The following ACER3 variants were observed in gnomAD, a reference collection of about 807,000 sequenced individuals.
ACER3 encodes the protein alkaline ceramidase 3.
In ACER3, 16 loss-of-function variants were observed where a neutral mutation model predicts 48.9. The observed-to-expected ratio is 0.33, with a 90% confidence interval of 0.22 to 0.50. The LOEUF is 0.50. ACER3 is among the 20% of genes least tolerant of loss of function. The pLI is 0.98. For missense variants in ACER3, 227 were observed against 326.0 expected, an observed-to-expected ratio of 0.70 and a Z score of 2.34; for synonymous variants, 109 against 107.8, an observed-to-expected ratio of 1.01 and a Z score of -0.07.
At chr11:76,991,561 A>T (rs905909918) in intron 6 of ACER3, among the ~76,000 whole-genome samples, 2 of 151,940 alleles carry the variant, frequency 1.3e-5, no homozygotes, top group African/African-American at 4.8e-5. Context: ...CACACCTGTA[A>T]TCCTAGCACT....
intron 3 of ACER3, among the ~76,000 whole-genome samples, chr11:76,962,353 G>A (rs1228613120): frequency 6.6e-6 from 1 of 150,390 alleles, no homozygotes; most frequent in Non-Finnish European, 1.5e-5. Flanking sequence ...CTGAGTAGCT[G>A]GGGTTATAAG....
intron 6 of ACER3, among the ~76,000 whole-genome samples, chr11:76,996,414 A>ATTG (rs1358530316): frequency 2.7e-5 from 4 of 150,574 alleles, no homozygotes; most frequent in Admixed American, 6.6e-5. Context: ...TATTATTATT[A>ATTG]TTATTATTAT....
chr11:77,018,001 C>T (rs1451641678), intron 9 of ACER3, among the ~76,000 whole-genome samples: 2 of 124,434 alleles, frequency 1.6e-5, no homozygotes, highest in African/African-American at 3.1e-5. Flanking sequence ...TGCAGTGGCA[C>T]TATCTTGGCT....
At chr11:76,911,941 A>C (rs2134726757) in intron 1 of ACER3, among the ~76,000 whole-genome samples, 1 of 152,296 alleles carries the variant, frequency 6.6e-6, no homozygotes, top group South Asian at 2.1e-4. Context: ...GAAGCTGGGG[A>C]GTTTCTCCAA....
chr11:76,919,625 G>C (rs909039824), intron 1 of ACER3, among the ~76,000 whole-genome samples: 2 of 152,052 alleles, frequency 1.3e-5, no homozygotes, highest in African/African-American at 4.8e-5. Flanking sequence ...TGAATATCTC[G>C]CTTTTATTTC....
intron 1 of ACER3, among the ~76,000 whole-genome samples, chr11:76,886,055 T>C (rs1392291355): frequency 6.6e-6 from 1 of 152,190 alleles, no homozygotes; most frequent in African/African-American, 2.4e-5. Context: ...TTGTGATAAA[T>C]GCTGTAAATA....
intron 1 of ACER3, among the ~76,000 whole-genome samples, chr11:76,915,583 G>A (rs1449412638): frequency 6.6e-6 from 1 of 152,174 alleles, no homozygotes; most frequent in Admixed American, 6.5e-5. Context: ...TAGTGGGTGG[G>A]GGGAGAGCCC....
chr11:76,969,039 A>T (rs1948220438), intron 3 of ACER3, among the ~76,000 whole-genome samples: 1 of 152,146 alleles, frequency 6.6e-6, no homozygotes, highest in South Asian at 2.1e-4. Context: ...TTTGCAATCT[A>T]CTCATCTGAC....
intron 7 of ACER3, chr11:77,011,417 C>A: frequency 5.1e-6 from 5 of 972,798 alleles, no homozygotes; most frequent in Non-Finnish European, 6.1e-6. Context: ...CACCCTACCC[C>A]CACTGATCAT....
chr11:76,880,445 C>A (rs1032931771), intron 1 of ACER3, among the ~76,000 whole-genome samples: 2 of 152,214 alleles, frequency 1.3e-5, no homozygotes, highest in African/African-American at 4.8e-5. Context: ...CAATTCAATT[C>A]TGACACTGTC....
chr11:76,901,017 C>G (rs754418117), intron 1 of ACER3, among the ~76,000 whole-genome samples: 2 of 152,080 alleles, frequency 1.3e-5, no homozygotes, highest in Non-Finnish European at 2.9e-5. Flanking sequence ...GCATTCATGA[C>G]TTTTTTCTAT....
intron 1 of ACER3, among the ~76,000 whole-genome samples, chr11:76,877,092 C>G (rs1413855156): frequency 6.6e-6 from 1 of 152,124 alleles, no homozygotes; most frequent in Non-Finnish European, 1.5e-5. Context: ...ATAAGCCCAT[C>G]TGAAGATTTC....
chr11:77,001,447 G>A (rs1295782828), intron 7 of ACER3, among the ~76,000 whole-genome samples: 10 of 152,016 alleles, frequency 6.6e-5, no homozygotes, highest in Non-Finnish European at 1.5e-4. Context: ...TAGTAGAGAC[G>A]GAGTTTCACT....
At chr11:76,941,532 A>G (rs900607041) in intron 2 of ACER3, among the ~76,000 whole-genome samples, 1 of 151,942 alleles carries the variant, frequency 6.6e-6, no homozygotes, top group Non-Finnish European at 1.5e-5. Flanking sequence ...GTGTAGTTTG[A>G]AGTCAGGCAA....
chr11:77,026,274 CT>C lies in ACER3; in HGVS notation c.*5950del, dbSNP rs1949549091. On this transcript the variant is annotated 3_prime_UTR_variant, in exon 11 of 11. Transcript: ENST00000532485. Reference sequence around the variant, plus strand: ...TGTACACTTTTTTTCTTTTTTTTAACTTTCTAAAAGGAAAAGTTCAAAGTCC... The same window carrying C: ...TGTACACTTTTTTTCTTTTTTTTAACTTCTAAAAGGAAAAGTTCAAAGTCC... The C allele has an allele frequency of 6.6e-6, 1 of 151,860 alleles. No homozygotes were observed. The highest frequency in any genetic ancestry group is 2.4e-5 in the African/African-American group (1 of 41,346). The allele number at this position is 151,860 out of a possible 1,614,324, so 9.4% of individuals were successfully genotyped here.
chr11:76,890,525 C>T (rs1040732820), intron 1 of ACER3, among the ~76,000 whole-genome samples: 3 of 152,256 alleles, frequency 2.0e-5, no homozygotes, highest in Admixed American at 6.5e-5. Context: ...AATGATGAAT[C>T]AGCTCACATA....
At chr11:76,951,746 G>A (rs1590979739) in intron 2 of ACER3, among the ~76,000 whole-genome samples, 1 of 152,334 alleles carries the variant, frequency 6.6e-6, no homozygotes, top group East Asian at 1.9e-4. Context: ...AGTTTCTGGT[G>A]ACAGTGAACT....
At chr11:76,905,658 CAT>C (rs895391267) in intron 1 of ACER3, among the ~76,000 whole-genome samples, 2 of 152,040 alleles carry the variant, frequency 1.3e-5, no homozygotes, top group Non-Finnish European at 1.5e-5. Flanking sequence ...TTAACAAAAA[CAT>C]AGGAAACAAT....
chr11:77,025,576 C>G lies in ACER3; in HGVS notation c.*5249C>G, dbSNP rs573296730. On this transcript the variant is annotated 3_prime_UTR_variant, in exon 11 of 11. Transcript: ENST00000532485. ...GGCACATGCCACCATGCCACCATGCCTGGCTGATTTTTGTATTTTTAGTAG... is the reference window on the plus strand; with the variant it reads ...GGCACATGCCACCATGCCACCATGCGTGGCTGATTTTTGTATTTTTAGTAG... 1 of 151,898 alleles carries G rather than the reference C, an allele frequency of 6.6e-6. No homozygotes were observed. Among genetic ancestry groups the G allele is most frequent in the Non-Finnish European group, 1.5e-5 (1 of 68,012 alleles). The allele number at this position is 151,898 out of a possible 1,614,324, so 9.4% of individuals were successfully genotyped here. A position where few individuals can be genotyped will look rare whatever the true frequency, so the allele number is the denominator to read the frequency against.
Sources: gnomAD v4.1 joint callset for allele counts (sites outside exome capture counted in the v4.1 genomes callset) on GRCh38, gnomAD v4.1.1 for gene constraint, MANE v1.5 for transcripts, NCBI Gene and HGNC (gene_info 2026-07-23, HGNC 2026-07-21) for gene names.